The following NCAM1 variants were observed in gnomAD, a reference collection of about 807,000 sequenced individuals.
NCAM1 encodes the protein antigen recognized by monoclonal antibody 5.1H11.
NCAM1 carries 14 observed loss-of-function variants against 109.8 expected under a neutral mutation model. That is an observed-to-expected ratio of 0.13 (90% CI 0.08 to 0.20). The LOEUF is 0.20. Among genes scored for constraint, NCAM1 ranks in the 10% least tolerant of loss-of-function variants. The pLI is 1.00. For missense variants in NCAM1, 774 were observed against 1,109.9 expected, an observed-to-expected ratio of 0.70 and a Z score of 4.30; for synonymous variants, 418 against 442.9, an observed-to-expected ratio of 0.94 and a Z score of 0.70.
intron 17 of NCAM1, chr11:113,264,329 A>G (rs1946088429): frequency 4.1e-6 from 4 of 985,384 alleles, no homozygotes; most frequent in Non-Finnish European, 4.8e-6. Flanking sequence ...CTGAGGGGCA[A>G]AGCCACCTAT....
chr11:113,135,132 G>C (rs782243247), intron 1 of NCAM1, among the ~76,000 whole-genome samples: 1 of 152,168 alleles, frequency 6.6e-6, no homozygotes, highest in Non-Finnish European at 1.5e-5. Context: ...AAGGAGGTGA[G>C]TGGGTAGGGA....
At chr11:113,093,680 C>A (rs1277609399) in intron 1 of NCAM1, among the ~76,000 whole-genome samples, 1 of 152,220 alleles carries the variant, frequency 6.6e-6, no homozygotes, top group African/African-American at 2.4e-5. Context: ...GAGGCATGCT[C>A]AGTATCTACC....
Position 112,962,038 on chromosome 11 carries a change from G to T in NCAM1, c.52+374G>T, listed in dbSNP as rs1340924623. ...GGCGGGGCGGGGGAGGTCGCGGCTC[G>T]GGTGGTGCCGCCGCACGGGCTCGGA... On this transcript the variant is annotated intron_variant, in intron 1 of 19. Coordinates refer to ENST00000316851, the MANE Select transcript of NCAM1 (RefSeq NM_181351.5). The surrounding 1 kb of genome is among the most constrained non-coding windows in gnomAD (Gnocchi z 5.6). Among the ~76,000 whole-genome samples the T allele has an allele frequency of 1.3e-5, 2 of 152,130 alleles. No homozygotes were observed. Among genetic ancestry groups the T allele is most frequent in the African/African-American group, 4.8e-5 (2 of 41,440 alleles).
chr11:113,183,305 G>A (rs1005857516), intron 1 of NCAM1, among the ~76,000 whole-genome samples: 4 of 152,186 alleles, frequency 2.6e-5, no homozygotes, highest in African/African-American at 4.8e-5. Flanking sequence ...GCCCTGCCAC[G>A]TGTGCACAGC....
At chr11:113,152,060 G>T (rs782525662) in intron 1 of NCAM1, among the ~76,000 whole-genome samples, 2 of 152,146 alleles carry the variant, frequency 1.3e-5, no homozygotes, top group Admixed American at 6.5e-5. Flanking sequence ...TTTGCAGTGG[G>T]TTCCAGAAAA....
At chr11:113,115,872 A>T (rs1321373477) in intron 1 of NCAM1, among the ~76,000 whole-genome samples, 1 of 152,224 alleles carries the variant, frequency 6.6e-6, no homozygotes, top group African/African-American at 2.4e-5. Context: ...GGGAAAATAC[A>T]CATGACATAA....
At chr11:113,072,126 C>A (rs1195107960) in intron 1 of NCAM1, among the ~76,000 whole-genome samples, 1 of 152,148 alleles carries the variant, frequency 6.6e-6, no homozygotes, top group Non-Finnish European at 1.5e-5. Context: ...GCCTGGGTGA[C>A]AGAGCAAGAA....
chr11:113,119,055 G>A (rs1284553260), intron 1 of NCAM1, among the ~76,000 whole-genome samples: 1 of 151,908 alleles, frequency 6.6e-6, no homozygotes, highest in Non-Finnish European at 1.5e-5. Flanking sequence ...GCAAATGGGA[G>A]GAAGGGGAAG....
intron 1 of NCAM1, among the ~76,000 whole-genome samples, chr11:113,191,767 GTGTGTGTATATA>G (rs1555109910): frequency 9.0e-6 from 1 of 110,968 alleles, no homozygotes; most frequent in Admixed American, 1.2e-4. Flanking sequence ...GTGTGTGTGT[GTGTGTGTATATA>G]TATATATATA....
chr11:113,153,316 C>T (rs918206886), intron 1 of NCAM1, among the ~76,000 whole-genome samples: 1 of 152,160 alleles, frequency 6.6e-6, no homozygotes, highest in Non-Finnish European at 1.5e-5. Context: ...GTTGGGATTA[C>T]AGGCGTGAGC....
chr11:113,022,411 A>C (rs1952415831), intron 1 of NCAM1, among the ~76,000 whole-genome samples: 1 of 152,218 alleles, frequency 6.6e-6, no homozygotes, highest in African/African-American at 2.4e-5. Context: ...ATGATGGATC[A>C]TCCTAAGATA....
In NCAM1 at chr11:113,207,827, C is replaced by T. The variant is rs782637649; in HGVS notation, c.747-6C>T. The T allele has an allele frequency of 1.5e-5, 24 of 1,607,534 alleles. No individual in the cohort carries two copies. The highest frequency in any genetic ancestry group is 1.9e-5 in the Non-Finnish European group (22 of 1,176,754). On this transcript the variant is annotated splice_region_variant and splice_polypyrimidine_tract_variant and intron_variant, in intron 6 of 19. Transcript: ENST00000316851. ...TCATGCTACTTTGCATTTCTACATG[C>T]TCTAGGGATGGGGAACAGATAGAGC... is the stretch of plus-strand genomic sequence containing the variant.
chr11:113,087,267 CA>C (rs1307969459), intron 1 of NCAM1, among the ~76,000 whole-genome samples: 2 of 152,278 alleles, frequency 1.3e-5, no homozygotes, highest in East Asian at 3.9e-4. Flanking sequence ...CAGCTGGGGG[CA>C]GGTCATGAAT....
chr11:113,263,512 A>C, intron 17 of NCAM1: 1 of 985,768 alleles, frequency 1.0e-6, no homozygotes, highest in Non-Finnish European at 1.2e-6. Flanking sequence ...TGCACTGGAA[A>C]AAAAGTTGAA....
intron 17 of NCAM1, chr11:113,263,009 G>A: frequency 6.5e-7 from 1 of 1,547,012 alleles, no homozygotes; most frequent in Non-Finnish European, 8.7e-7. Context: ...AACCTGGCAG[G>A]ACCACCATGG....
chr11:113,006,779 G>A (rs749939523), intron 1 of NCAM1, among the ~76,000 whole-genome samples: 52 of 152,094 alleles, frequency 3.4e-4, no homozygotes, highest in African/African-American at 1.2e-3. Context: ...TGGGAGTTCC[G>A]AGCTGTCACA....
rs574217537 is a variant in NCAM1, at chr11:113,136,673, A to T, written c.53-65706A>T. On this transcript the variant is annotated intron_variant, in intron 1 of 19. Transcript: ENST00000316851. The stretch of plus-strand genomic sequence containing the variant: ...CAGTGATCTGTGACCCAGGCAGAGG[A>T]ATGGATAGAGTGGATGGTGGGAATG... Among the ~76,000 whole-genome samples, 5 of 152,178 alleles carry T rather than the reference A, an allele frequency of 3.3e-5. No individual in the cohort carries two copies. The South Asian group carries it at 1.0e-3, about 32-fold the overall frequency.
intron 1 of NCAM1, among the ~76,000 whole-genome samples, chr11:112,989,418 G>C (rs1951400716): frequency 6.6e-6 from 1 of 151,906 alleles, no homozygotes; most frequent in Non-Finnish European, 1.5e-5. Flanking sequence ...GAATTTTTCA[G>C]GTCTGTTGTA....
rs1555125940 is a variant in NCAM1 at position 113,273,545 on chromosome 11, C to G, written c.2456+1669C>G. 2.7e-6 allele frequency: 1 copy of G among 370,108 alleles called. No individual in the cohort carries two copies. The highest frequency in any genetic ancestry group is 2.1e-5 in the African/African-American group (1 of 47,312). 22.9% of individuals were successfully genotyped at this position (370,108 alleles called of 1,614,324 possible). ...TTGCTAGCCCGAAGAGCGAGGCTGCCTCCGTCAGCACCACAAACCCTTCCC... is the reference window on the plus strand; with the variant it reads ...TTGCTAGCCCGAAGAGCGAGGCTGCGTCCGTCAGCACCACAAACCCTTCCC... On this transcript the variant is annotated intron_variant, in intron 19 of 19. Transcript: ENST00000316851. This position sits in a 1 kb window ranked among gnomAD's most constrained non-coding sequence, Gnocchi z 6.0.
Sources: gnomAD v4.1 joint callset for allele counts (sites outside exome capture counted in the v4.1 genomes callset) on GRCh38, gnomAD v4.1.1 for gene constraint, Gnocchi (gnomAD v3.1) non-coding constraint, MANE v1.5 for transcripts, NCBI Gene and HGNC (gene_info 2026-07-23, HGNC 2026-07-21) for gene names.